The following SHROOM4 variants were observed in gnomAD, a reference collection of about 807,000 sequenced individuals.
SHROOM4 encodes shroom family member 4, also known as protein Shroom4.
Under a neutral mutation model 80.3 loss-of-function variants are expected in SHROOM4, and 17 were observed. The ratio of observed to expected loss-of-function variants is 0.21; its 90% CI spans 0.14 to 0.32. SHROOM4 has a LOEUF of 0.32. Ranked by LOEUF, SHROOM4 falls within the 10% of genes least tolerant of loss-of-function variation. SHROOM4 has a pLI of 1.00. For synonymous variants in SHROOM4, 400 were observed against 437.5 expected (o/e 0.91, Z 1.07); for missense variants, 993 against 1,140.3 (o/e 0.87, Z 1.86).
intron 1 of SHROOM4, among the ~76,000 whole-genome samples, chrX:50,761,085 T>C (rs1306366527): frequency 8.9e-6 from 1 of 111,757 alleles, no homozygotes; most frequent in Non-Finnish European, 1.9e-5. Flanking sequence ...AGGTTTGTTA[T>C]ATAGGTAAAC....
chrX:50,635,771 A>C, intron 3 of SHROOM4, 103 bp from the exon 4 acceptor site: 1 of 624,402 alleles, frequency 1.6e-6, no homozygotes. Context: ...AAAAGAGAGG[A>C]GGGTAGGCAA....
chrX:50,771,065 T>C (rs782645739), intron 1 of SHROOM4, among the ~76,000 whole-genome samples: 3 of 112,061 alleles, frequency 2.7e-5, no homozygotes, highest in African/African-American at 9.7e-5. Flanking sequence ...GCCTGAACTC[T>C]GTGGAATGTC....
chrX:50,709,592 T>C lies in SHROOM4; in HGVS notation c.118-13655A>G, dbSNP rs782301598. On this transcript the variant is annotated intron_variant, in intron 1 of 8. Coordinates refer to ENST00000376020, the MANE Select transcript of SHROOM4 (RefSeq NM_020717.5). ...AAAGATAGGGTCATAATAAGTCCAG[T>C]ACAAACTGAAATTCCTGCTGTGCAG... Among the ~76,000 whole-genome samples the C allele has an allele frequency of 2.5e-3, 283 of 112,129 alleles. 2 individuals carry two copies. The highest frequency in any genetic ancestry group is 8.8e-3 in the African/African-American group (272 of 30,872).
intron 2 of SHROOM4, among the ~76,000 whole-genome samples, chrX:50,678,619 G>A (rs1932886201): frequency 9.0e-6 from 1 of 111,681 alleles, no homozygotes; most frequent in Non-Finnish European, 1.9e-5. Context: ...CTAGGGTACA[G>A]AAGTACTTCC....
At chrX:50,741,732 G>A (rs1227901870) in intron 1 of SHROOM4, among the ~76,000 whole-genome samples, 1 of 110,371 alleles carries the variant, frequency 9.1e-6, no homozygotes, top group Non-Finnish European at 1.9e-5. Flanking sequence ...GCTAGCTGTG[G>A]GATTTTAATA....
chrX:50,798,556 C>G (rs1467345657), intron 1 of SHROOM4, among the ~76,000 whole-genome samples: 1 of 111,172 alleles, frequency 9.0e-6, no homozygotes, highest in Non-Finnish European at 1.9e-5. Context: ...TATAGTAGGA[C>G]AAGCATAGGA....
intron 5 of SHROOM4, among the ~76,000 whole-genome samples, chrX:50,620,711 C>A (rs1044716912): frequency 9.0e-6 from 1 of 111,358 alleles, no homozygotes; most frequent in South Asian, 3.8e-4. Context: ...GTTTAATAAG[C>A]AGATTATGAT....
chrX:50,627,960 A>C, intron 4 of SHROOM4, among the ~76,000 whole-genome samples: 1 of 111,998 alleles, frequency 8.9e-6, no homozygotes, highest in East Asian at 2.8e-4. Context: ...CCCAAACCAC[A>C]TTAAAAACCA....
At position 50,596,741 on chromosome X, in the gene SHROOM4, A is replaced by T. The variant is rs1929131906; in HGVS notation, c.4436T>A (p.Leu1479His). Reference protein sequence around the residue: ...EEKIKLGEEQLKCLRESLLLG... With the variant: ...EEKIKLGEEQHKCLRESLLLG... ...GAGTAGACTCTCCCTGAGACATTTGAGTTGCTCTTCCCCGAGCTTGATCTT... is the reference window on the plus strand; with the variant it reads ...GAGTAGACTCTCCCTGAGACATTTGTGTTGCTCTTCCCCGAGCTTGATCTT... Residue 1479 changes from leucine (L) to histidine (H), a missense_variant, in exon 9 of 9, where the codon CTC (leucine) becomes CAC (histidine). Coordinates refer to ENST00000376020, the MANE Select transcript of SHROOM4 (RefSeq NM_020717.5). The T allele has an allele frequency of 8.3e-7, 1 of 1,210,276 alleles. No homozygotes were observed. The highest frequency in any genetic ancestry group is 2.2e-5 in the Admixed American group (1 of 45,936).
Position 50,587,007 on chromosome X carries a change from A to G in SHROOM4, c.*9688T>C, listed in dbSNP as rs151020929. On this transcript the variant is annotated 3_prime_UTR_variant, in exon 9 of 9. Transcript: ENST00000376020. ...ATTAACTATAGAACTTATGCTGTAC[A>G]TGAGATCTCTAGATTTATACATCTT... is the stretch of plus-strand genomic sequence containing the variant. 1.8e-5 allele frequency among the ~76,000 whole-genome samples: 2 copies of G among 111,913 alleles called. No individual in the cohort carries two copies. The highest frequency in any genetic ancestry group is 3.8e-5 in the Non-Finnish European group (2 of 53,210).
chrX:50,644,191 A>G (rs1931732860), intron 2 of SHROOM4, among the ~76,000 whole-genome samples: 1 of 111,959 alleles, frequency 8.9e-6, no homozygotes, highest in Non-Finnish European at 1.9e-5. Flanking sequence ...AGAAAACCCA[A>G]TTTTACACCA....
chrX:50,711,579 G>A (rs1279642728), intron 1 of SHROOM4, among the ~76,000 whole-genome samples: 1 of 111,800 alleles, frequency 8.9e-6, no homozygotes, highest in Non-Finnish European at 1.9e-5. Context: ...AATAATACAC[G>A]TGCTGAAATT....
At chrX:50,711,433 A>G (rs1557264380) in intron 1 of SHROOM4, among the ~76,000 whole-genome samples, 1 of 112,138 alleles carries the variant, frequency 8.9e-6, no homozygotes, top group African/African-American at 3.2e-5. Flanking sequence ...GTAGTGTTCT[A>G]TACATTAATA....
chrX:50,686,319 G>A (rs1933073212), intron 2 of SHROOM4, among the ~76,000 whole-genome samples: 1 of 110,824 alleles, frequency 9.0e-6, no homozygotes, highest in Admixed American at 9.8e-5. Flanking sequence ...ACAGGCGTGA[G>A]TCCCCGCGCC....
chrX:50,575,763 G>T, the SHROOM4 span, among the ~76,000 whole-genome samples: 1 of 111,389 alleles, frequency 9.0e-6, no homozygotes, highest in Non-Finnish European at 1.9e-5. Context: ...GTTTGATTGA[G>T]GTATAATTTA....
At chrX:50,801,862 T>C (rs974406482) in intron 1 of SHROOM4, among the ~76,000 whole-genome samples, 1 of 112,205 alleles carries the variant, frequency 8.9e-6, no homozygotes, top group Non-Finnish European at 1.9e-5. Context: ...AGAGAGGAGC[T>C]AGGTAAAGGA....
At chrX:50,716,399 G>A (rs888362551) in intron 1 of SHROOM4, among the ~76,000 whole-genome samples, 13 of 111,154 alleles carry the variant, frequency 1.2e-4, no homozygotes, top group African/African-American at 1.6e-4. Context: ...ATTTTAATTC[G>A]CTCAATTTAG....
At chrX:50,781,163 C>A (rs1222074876) in intron 1 of SHROOM4, among the ~76,000 whole-genome samples, 2 of 111,143 alleles carry the variant, frequency 1.8e-5, no homozygotes, top group Non-Finnish European at 3.8e-5. Flanking sequence ...ATGATGATTG[C>A]CCATATTGGT....
At chrX:50,699,547 T>C (rs1933463056) in intron 1 of SHROOM4, among the ~76,000 whole-genome samples, 2 of 112,450 alleles carry the variant, frequency 1.8e-5, no homozygotes, top group African/African-American at 6.5e-5. Flanking sequence ...CAAAATTGAC[T>C]AATTAACATC....
Sources: allele counts gnomAD v4.1 joint callset (sites outside exome capture counted in the v4.1 genomes callset), GRCh38; gene constraint gnomAD v4.1.1; transcripts MANE v1.5; gene names NCBI Gene and HGNC (gene_info 2026-07-23, HGNC 2026-07-21).